Variants in ANKIB1 observed in about 807,000 individuals in gnomAD.
ANKIB1 encodes ankyrin repeat and IBR domain containing 1.
In ANKIB1, 43 loss-of-function variants were observed where a neutral mutation model predicts 122.1. That is an observed-to-expected ratio of 0.35 (90% CI 0.28 to 0.45). The LOEUF (loss-of-function observed/expected upper bound fraction) is 0.45. Ranked by LOEUF, ANKIB1 falls within the 20% of genes least tolerant of loss-of-function variation. The pLI, the probability that ANKIB1 is intolerant of heterozygous loss-of-function variation, is 1.00. For synonymous variants in ANKIB1, 390 were observed against 442.0 expected (o/e 0.88, Z 1.48); for missense variants, 992 against 1,329.5 (o/e 0.75, Z 3.95).
chr7:92,362,645 C>T (rs542734177), intron 10 of ANKIB1, among the ~76,000 whole-genome samples: 1 of 152,230 alleles, frequency 6.6e-6, no homozygotes, highest in East Asian at 1.9e-4. Flanking sequence ...TTCTCATATC[C>T]CTGAAAGCTT....
rs1320513921 is a variant in ANKIB1, at chr7:92,367,869, T to G, written c.1487-3608T>G. On this transcript the variant is annotated intron_variant, in intron 10 of 19. Coordinates refer to ENST00000265742, the MANE Select transcript of ANKIB1 (RefSeq NM_019004.2). ...CAAATTGTATTATTTAAAAATTCAG[T>G]CTTTGACTAGGTGCAGTGGTTTACG... Among the ~76,000 whole-genome samples, 4 of 152,246 alleles carry G rather than the reference T, an allele frequency of 2.6e-5. No individual in the cohort carries two copies. In the East Asian group the frequency reaches 7.7e-4, roughly 29 times the overall value.
At chr7:92,301,393 A>G (rs1488868190) in intron 2 of ANKIB1, among the ~76,000 whole-genome samples, 1 of 152,058 alleles carries the variant, frequency 6.6e-6, no homozygotes, top group Non-Finnish European at 1.5e-5. Flanking sequence ...AAACAGGTAT[A>G]AGGTGATACT....
chr7:92,343,765 C>A (rs1480908970), intron 6 of ANKIB1, among the ~76,000 whole-genome samples: 1 of 152,054 alleles, frequency 6.6e-6, no homozygotes, highest in East Asian at 1.9e-4. Flanking sequence ...TTTATAATTT[C>A]TTGAAAGGTA....
chr7:92,247,970 A>T (rs1801223605), intron 1 of ANKIB1, among the ~76,000 whole-genome samples: 1 of 152,242 alleles, frequency 6.6e-6, no homozygotes, highest in East Asian at 1.9e-4. Context: ...AATTTGAAGT[A>T]GGCTCAGGAG....
chr7:92,366,302 C>T (rs879249724), intron 10 of ANKIB1, among the ~76,000 whole-genome samples: 1 of 152,088 alleles, frequency 6.6e-6, no homozygotes, highest in Non-Finnish European at 1.5e-5. Flanking sequence ...CCTGGGAGCT[C>T]GAGGTGAATA....
At chr7:92,284,806 G>C (rs1269117848) in intron 1 of ANKIB1, among the ~76,000 whole-genome samples, 1 of 152,128 alleles carries the variant, frequency 6.6e-6, no homozygotes, top group African/African-American at 2.4e-5. Context: ...TAGATGTTTG[G>C]TACCCAAAAT....
At chr7:92,373,759 A>G (rs190363394) in intron 11 of ANKIB1, among the ~76,000 whole-genome samples, 306 of 152,342 alleles carry the variant, frequency 2.0e-3, no homozygotes, top group African/African-American at 6.9e-3. Context: ...AGCATTGATT[A>G]TGTATGATTC....
chr7:92,321,414 T>C (rs942059438), intron 4 of ANKIB1, among the ~76,000 whole-genome samples: 2 of 152,202 alleles, frequency 1.3e-5, no homozygotes, highest in South Asian at 4.1e-4. Flanking sequence ...TATCACATGC[T>C]ATAATTATTT....
At position 92,246,143 on chromosome 7, in the gene ANKIB1, C is replaced by T; in HGVS notation, c.-467C>T. ...GAGGGGAAGAGGGCGGCCGGGGCTG[C>T]GAGCGCGCAAGGCTGGAACATGAGC... On this transcript the variant is annotated 5_prime_UTR_variant, in exon 1 of 20. Coordinates refer to ENST00000265742, the MANE Select transcript of ANKIB1 (RefSeq NM_019004.2). 1 of 294,580 alleles carries T rather than the reference C, an allele frequency of 3.4e-6. No homozygotes were observed. The highest frequency in any genetic ancestry group is 6.5e-6 in the Non-Finnish European group (1 of 153,398). The allele number at this position is 294,580 out of a possible 1,614,324, so 18.2% of individuals were successfully genotyped here.
In ANKIB1 at chr7:92,383,183, T is replaced by C. The variant is rs1804558733; in HGVS notation, c.1618-3326T>C. Among the ~76,000 whole-genome samples the C allele has an allele frequency of 5.3e-5, 8 of 152,174 alleles. No individual in the cohort carries two copies. In the South Asian group the frequency reaches 1.7e-3, roughly 32 times the overall value. ...CTGGACACATACACCCTCCCAAGAC[T>C]AAACCAGGAAGAAGTTGAATCTCTG... On this transcript the variant is annotated intron_variant, in intron 11 of 19. Transcript: ENST00000265742.
At chr7:92,365,423 G>A (rs962779146) in intron 10 of ANKIB1, among the ~76,000 whole-genome samples, 1 of 152,194 alleles carries the variant, frequency 6.6e-6, no homozygotes, top group Non-Finnish European at 1.5e-5. Flanking sequence ...ATGAAGTAGC[G>A]TGGCATATTC....
chr7:92,396,468 G>A lies in ANKIB1; in HGVS notation c.2387G>A (p.Ser796Asn). Residue 796 changes from serine (S) to asparagine (N), a missense_variant, in exon 18 of 20, where the codon AGC becomes AAC. Ser to Asn is a conservative substitution (Grantham distance 46). Transcript: ENST00000265742. The part of the protein sequence containing the change: ...NPPDPDEPSE[S>N]TLDIPEGGSS... ...CCAGACCCTGATGAGCCAAGTGAAA[G>A]CACTTTAGGTAAGTCCTTGCATTGA... 6.5e-7 allele frequency: 1 copy of A among 1,548,500 alleles called. No individual in the cohort carries two copies. The highest frequency in any genetic ancestry group is 8.8e-7 in the Non-Finnish European group (1 of 1,132,444).
At chr7:92,322,910 A>G (rs1356378269) in intron 4 of ANKIB1, among the ~76,000 whole-genome samples, 2 of 152,152 alleles carry the variant, frequency 1.3e-5, no homozygotes, top group Admixed American at 1.3e-4. Flanking sequence ...TGTGACCTTG[A>G]GCAGATTATT....
chr7:92,290,865 G>T (rs1056636566), intron 1 of ANKIB1, among the ~76,000 whole-genome samples: 35 of 152,278 alleles, frequency 2.3e-4, no homozygotes, highest in African/African-American at 7.9e-4. Context: ...GTTACCAGAG[G>T]CTGGGAAGGG....
chr7:92,365,242 CTT>C (rs1464927678), intron 10 of ANKIB1, among the ~76,000 whole-genome samples: 2 of 151,920 alleles, frequency 1.3e-5, no homozygotes, highest in African/African-American at 4.8e-5. Flanking sequence ...TATGTGATAA[CTT>C]TTAGGGGAGG....
chr7:92,380,180 CT>C (rs1804479730), intron 11 of ANKIB1, among the ~76,000 whole-genome samples: 1 of 152,212 alleles, frequency 6.6e-6, no homozygotes, highest in South Asian at 2.1e-4. Context: ...GCAAGCCATG[CT>C]GGGGGAGGGG....
Position 92,381,100 on chromosome 7 carries a change from T to C in ANKIB1, c.1618-5409T>C, listed in dbSNP as rs374550775. ...GCTGAAAACCATGGCACGAGAACTATGTGACGCATGCATAAGCTTCAAGTG... is the reference window on the plus strand; with the variant it reads ...GCTGAAAACCATGGCACGAGAACTACGTGACGCATGCATAAGCTTCAAGTG... On this transcript the variant is annotated intron_variant, in intron 11 of 19. Coordinates refer to ENST00000265742, the MANE Select transcript of ANKIB1 (RefSeq NM_019004.2). Among the ~76,000 whole-genome samples the C allele has an allele frequency of 3.2e-4, 48 of 152,148 alleles. 1 individual carries two copies. Among genetic ancestry groups the C allele is most frequent in the African/African-American group, 9.9e-4 (41 of 41,516 alleles).
At chr7:92,334,979 A>G (rs1585112845) in intron 5 of ANKIB1, among the ~76,000 whole-genome samples, 1 of 152,060 alleles carries the variant, frequency 6.6e-6, no homozygotes, top group East Asian at 1.9e-4. Context: ...TATGCTCTTA[A>G]TTAAAACTGT....
In ANKIB1 at chr7:92,391,257, G is replaced by A. The variant is rs1804780038; in HGVS notation, c.2144G>A (p.Cys715Tyr). ...CGCCACAAGATCATCAAAGCAGCAT[G>A]CCTTGTACAGCAGAAGAGGCAAGAA... Reference protein sequence around the residue: ...TPRHKIIKAACLVQQKRQEFL... With the variant: ...TPRHKIIKAAYLVQQKRQEFL... Residue 715 changes from cysteine (C) to tyrosine (Y), a missense_variant, in exon 16 of 20, where the codon TGC (cysteine) becomes TAC (tyrosine). Coordinates refer to ENST00000265742, the MANE Select transcript of ANKIB1 (RefSeq NM_019004.2). 5 of 1,613,496 alleles carry A rather than the reference G, an allele frequency of 3.1e-6. No homozygotes were observed. Among genetic ancestry groups the A allele is most frequent in the Non-Finnish European group, 4.2e-6 (5 of 1,179,692 alleles).
Sources: gnomAD v4.1 joint callset for allele counts (sites outside exome capture counted in the v4.1 genomes callset) on GRCh38, gnomAD v4.1.1 for gene constraint, MANE v1.5 for transcripts, NCBI Gene and HGNC (gene_info 2026-07-23, HGNC 2026-07-21) for gene names.